CPS1: variants seen among roughly 807,000 people sequenced by gnomAD.
The protein encoded by CPS1 is carbamoyl-phosphate synthase 1, also known as carbamoyl-phosphate synthase [ammonia], mitochondrial.
In CPS1, 109 loss-of-function variants were observed where a neutral mutation model predicts 174.6. That is an observed-to-expected ratio of 0.62 (90% CI 0.53 to 0.73). The LOEUF (loss-of-function observed/expected upper bound fraction) is 0.73. Among genes scored for constraint, CPS1 ranks in the 30% least tolerant of loss-of-function variants. CPS1 has a pLI of 0.00. For synonymous variants in CPS1, 637 were observed against 632.0 expected (o/e 1.01, Z -0.12); for missense variants, 1,689 against 1,821.9 (o/e 0.93, Z 1.33).
At position 210,616,552 on chromosome 2, in the gene CPS1, G is replaced by T. The variant is rs1699313741; in HGVS notation, c.2687+11G>T. 3 of 1,486,474 alleles carry T rather than the reference G, an allele frequency of 2.0e-6. No homozygotes were observed. The highest frequency in any genetic ancestry group is 2.8e-6 in the Non-Finnish European group (3 of 1,065,384). The allele number at this position is 1,486,474 out of a possible 1,614,324, so 92.1% of individuals were successfully genotyped here. A position where few individuals can be genotyped will look rare whatever the true frequency, so the allele number is the denominator to read the frequency against. The stretch of plus-strand genomic sequence containing the variant: ...GAAAGGCCTCAACAGGTAAGGCAGT[G>T]CTGCTCTCATTCATGCCAGACACCT... On this transcript the variant is annotated intron_variant, in intron 21 of 37. Coordinates refer to ENST00000233072, the MANE Select transcript of CPS1 (RefSeq NM_001875.5).
chr2:210,570,428 CTTA>C (rs1697436256), intron 1 of CPS1, among the ~76,000 whole-genome samples: 1 of 151,874 alleles, frequency 6.6e-6, no homozygotes, highest in Non-Finnish European at 1.5e-5. Flanking sequence ...TGTTGATTTT[CTTA>C]TGCTAATTTT....
At chr2:210,480,525 C>A (rs964000422) in intron 1 of CPS1, among the ~76,000 whole-genome samples, 5 of 152,278 alleles carry the variant, frequency 3.3e-5, no homozygotes, top group Admixed American at 1.3e-4. Context: ...TCCTAGCAAC[C>A]ATGCCTTCTC....
At chr2:210,574,461 A>G (rs1047843810) in intron 2 of CPS1, among the ~76,000 whole-genome samples, 2 of 152,238 alleles carry the variant, frequency 1.3e-5, no homozygotes, top group Admixed American at 6.6e-5. Flanking sequence ...CCCTGTGTGA[A>G]ATGAAGAATA....
chr2:210,589,020 C>T (rs1698199143), intron 7 of CPS1, among the ~76,000 whole-genome samples: 1 of 151,950 alleles, frequency 6.6e-6, no homozygotes, highest in African/African-American at 2.4e-5. Context: ...TACTGGCAGG[C>T]AGTAAATGGC....
intron 1 of CPS1, among the ~76,000 whole-genome samples, chr2:210,526,311 C>G (rs559311069): frequency 1.3e-5 from 2 of 151,438 alleles, no homozygotes; most frequent in African/African-American, 4.8e-5. Context: ...CAGCAAACCA[C>G]CATGGCACAT....
At chr2:210,599,910 C>T (rs549080559) in intron 14 of CPS1, among the ~76,000 whole-genome samples, 30 of 151,984 alleles carry the variant, frequency 2.0e-4, no homozygotes, top group African/African-American at 7.2e-4. Context: ...TGGTTAAGTG[C>T]TCTTAGGTAT....
chr2:210,607,868 A>C (rs182351882), intron 18 of CPS1, among the ~76,000 whole-genome samples: 1 of 151,878 alleles, frequency 6.6e-6, no homozygotes. Flanking sequence ...CCAAAGTTCA[A>C]AGATAATTTG....
intron 21 of CPS1, among the ~76,000 whole-genome samples, chr2:210,628,923 A>G (rs1699777783): frequency 6.6e-6 from 1 of 152,196 alleles, no homozygotes; most frequent in African/African-American, 2.4e-5. Context: ...ATGTTTGGAA[A>G]ACTGCTCTGT....
intron 20 of CPS1, among the ~76,000 whole-genome samples, chr2:210,615,320 G>C (rs1699271264): frequency 6.6e-6 from 1 of 151,874 alleles, no homozygotes; most frequent in South Asian, 2.1e-4. Flanking sequence ...ACATTGACTA[G>C]GAAATGAACA....
chr2:210,550,773 G>T (rs987189385), intron 1 of CPS1, among the ~76,000 whole-genome samples: 1 of 151,652 alleles, frequency 6.6e-6, no homozygotes, highest in Non-Finnish European at 1.5e-5. Flanking sequence ...CAATGTTTTA[G>T]TTTCTATTGA....
chr2:210,639,904 G>A (rs1489601614), intron 23 of CPS1, 92 bp from the exon 24 acceptor site: 4 of 910,784 alleles, frequency 4.4e-6, no homozygotes, highest in Non-Finnish European at 5.4e-6. Context: ...AGGAAGATGA[G>A]AAATACATAC....
rs140235245 is a variant in CPS1 at position 210,568,521 on chromosome 2, G to A, written c.127-4777G>A. On this transcript the variant is annotated intron_variant, in intron 1 of 37. Coordinates refer to ENST00000233072, the MANE Select transcript of CPS1 (RefSeq NM_001875.5). Reference sequence around the variant, plus strand: ...GCCATGCAATTTCATATAGTGTGAAGTTAATTCTAAAAACCAATAGGTAAC... The same window carrying A: ...GCCATGCAATTTCATATAGTGTGAAATTAATTCTAAAAACCAATAGGTAAC... Among the ~76,000 whole-genome samples the A allele has an allele frequency of 2.6e-3, 398 of 152,142 alleles. 3 individuals carry two copies. The highest frequency in any genetic ancestry group is 9.5e-3 in the African/African-American group (395 of 41,518).
At chr2:210,518,291 G>T (rs1410650272) in intron 1 of CPS1, among the ~76,000 whole-genome samples, 1 of 151,948 alleles carries the variant, frequency 6.6e-6, no homozygotes, top group African/African-American at 2.4e-5. Flanking sequence ...TTTGTCCCAG[G>T]TATATTAGCC....
At chr2:210,640,951 G>T (rs1350857564) in intron 24 of CPS1, among the ~76,000 whole-genome samples, 1 of 152,062 alleles carries the variant, frequency 6.6e-6, no homozygotes, top group East Asian at 1.9e-4. Context: ...CAGTTCTAGG[G>T]GCTGGGAAGT....
intron 21 of CPS1, 30 bp from the exon 22 acceptor site, chr2:210,637,672 C>T (rs1433339406): frequency 1.2e-6 from 2 of 1,613,124 alleles, no homozygotes; most frequent in South Asian, 2.2e-5. Flanking sequence ...TTGGTCTAAA[C>T]TTGAATCTCT....
chr2:210,575,322 A>T (rs1246675068), intron 2 of CPS1, among the ~76,000 whole-genome samples: 1 of 152,080 alleles, frequency 6.6e-6, no homozygotes, highest in African/African-American at 2.4e-5. Flanking sequence ...GTTGTAATCC[A>T]CAAAAAAGGA....
intron 1 of CPS1, among the ~76,000 whole-genome samples, chr2:210,521,422 T>G (rs954244827): frequency 6.6e-6 from 1 of 151,964 alleles, no homozygotes; most frequent in African/African-American, 2.4e-5. Flanking sequence ...TTTCTTGTGC[T>G]TGAGGATCAT....
chr2:210,677,996 AC>A lies in CPS1; in HGVS notation c.*15del, dbSNP rs753480920. On this transcript the variant is annotated 3_prime_UTR_variant, in exon 38 of 38. Transcript: ENST00000233072. ...GGAAAAGCAGCATAGAGATGCAGAC[AC>A]CCCAGCCCCATTATTAAATCAACCT... 56 of 1,589,352 alleles carry A rather than the reference AC, an allele frequency of 3.5e-5. No homozygotes were observed. Among genetic ancestry groups the A allele is most frequent in the Non-Finnish European group, 4.8e-5 (56 of 1,157,602 alleles).
At chr2:210,511,536 A>G (rs1472903912) in intron 1 of CPS1, among the ~76,000 whole-genome samples, 9 of 56,896 alleles carry the variant, frequency 1.6e-4, no homozygotes, top group Non-Finnish European at 4.5e-4. Context: ...TTATAATAAT[A>G]AACAAAAAGA....
Sources: allele counts gnomAD v4.1 joint callset (sites outside exome capture counted in the v4.1 genomes callset), GRCh38; gene constraint gnomAD v4.1.1; transcripts MANE v1.5; gene names NCBI Gene and HGNC (gene_info 2026-07-23, HGNC 2026-07-21).